LPIN2: variants seen among roughly 807,000 people sequenced by gnomAD.
LPIN2 encodes phosphatidate phosphatase LPIN2.
Under a neutral mutation model 111.4 loss-of-function variants are expected in LPIN2, and 55 were observed. The observed-to-expected ratio is 0.49, with a 90% CI of 0.40 to 0.62. The LOEUF is 0.62. LPIN2 is among the 20% of genes least tolerant of loss of function. LPIN2 has a pLI of 0.00. For missense variants in LPIN2, 992 were observed against 1,112.1 expected (o/e 0.89, Z 1.54); for synonymous variants, 425 against 414.0 (o/e 1.03, Z -0.32).
At chr18:2,946,773 C>G in intron 4 of LPIN2, 3 of 495,574 alleles carry the variant, frequency 6.1e-6, no homozygotes, top group Non-Finnish European at 1.1e-5. Context: ...CTGCTAACCA[C>G]CATAACCAAA....
intron 4 of LPIN2, chr18:2,946,194 T>G (rs780037307): frequency 6.2e-7 from 1 of 1,608,578 alleles, no homozygotes; most frequent in Non-Finnish European, 8.5e-7. Context: ...TCCAAATTTG[T>G]CATTGGTTCA....
At chr18:2,972,124 A>G (rs2077928075) in intron 1 of LPIN2, among the ~76,000 whole-genome samples, 1 of 152,190 alleles carries the variant, frequency 6.6e-6, no homozygotes, top group Admixed American at 6.5e-5. Context: ...CCCAAAAGCA[A>G]TGCCCATGTG....
chr18:2,960,616 A>T, intron 2 of LPIN2, 33 bp downstream of exon 2: 4 of 1,604,018 alleles, frequency 2.5e-6, no homozygotes, highest in Non-Finnish European at 3.4e-6. Flanking sequence ...TTTGAATCTC[A>T]GGATGACTTT....
intron 1 of LPIN2, among the ~76,000 whole-genome samples, chr18:2,992,974 C>CA (rs59159362): frequency 0.014 from 1,336 of 97,288 alleles, 23 homozygotes; most frequent in African/African-American, 0.047. Context: ...AGACCCGTCT[C>CA]AAAAAAAAAA....
At chr18:2,971,818 C>T (rs1050392094) in intron 1 of LPIN2, among the ~76,000 whole-genome samples, 1 of 149,372 alleles carries the variant, frequency 6.7e-6, no homozygotes, top group Non-Finnish European at 1.5e-5. Flanking sequence ...GAGGCCGAGG[C>T]GGGGGGTGGA....
At chr18:2,923,600 C>T (rs995237214) in intron 16 of LPIN2, among the ~76,000 whole-genome samples, 175 bp downstream of exon 16, 5 of 152,114 alleles carry the variant, frequency 3.3e-5, no homozygotes, top group Non-Finnish European at 5.9e-5. Context: ...GGTTCGATGC[C>T]AATGCCAGGT....
At chr18:2,963,376 T>G (rs539032377) in intron 1 of LPIN2, among the ~76,000 whole-genome samples, 1 of 152,056 alleles carries the variant, frequency 6.6e-6, no homozygotes, top group Non-Finnish European at 1.5e-5. Context: ...CCAGCATAGC[T>G]ACACAATAAG....
chr18:2,923,854 C>T lies in LPIN2; in HGVS notation c.2095G>A (p.Ala699Thr). The T allele has an allele frequency of 6.2e-7, 1 of 1,614,082 alleles. No individual in the cohort carries two copies. Among genetic ancestry groups the T allele is most frequent in the East Asian group, 2.2e-5 (1 of 44,882 alleles). ...AGCTGTGGGAGAATCTGTCCCAAAG[C>T]ATCCGACCTAAGAAGACGGTAGAAA... is the stretch of plus-strand genomic sequence containing the variant. ...DIDGTITKSD[A>T]LGQILPQLGK... Residue 699 changes from alanine (A) to threonine (T), a missense_variant, in exon 16 of 20, where the codon GCT (alanine) becomes ACT (threonine). This residue lies in a region of LPIN2 where 709 missense variants were observed against 753.2 expected (regional missense o/e 0.94). Transcript: ENST00000677752.
chr18:2,958,938 AAAT>A (rs1216465508), intron 2 of LPIN2, among the ~76,000 whole-genome samples: 5 of 152,212 alleles, frequency 3.3e-5, no homozygotes, highest in Non-Finnish European at 5.9e-5. Context: ...CAAAAAAAAA[AAAT>A]AATGATGATG....
At chr18:2,920,529 G>T in intron 19 of LPIN2, 92 bp from the exon 20 acceptor site, 2 of 1,402,326 alleles carry the variant, frequency 1.4e-6, no homozygotes, top group South Asian at 1.2e-5. Flanking sequence ...CACTCAGATT[G>T]CTCAGGTGGG....
At chr18:2,960,594 A>T in intron 2 of LPIN2, 55 bp downstream of exon 2, 1 of 1,560,844 alleles carries the variant, frequency 6.4e-7, no homozygotes. Context: ...GAGGACACTC[A>T]CTCACTTTCT....
chr18:2,939,419 G>A (rs1180385635), intron 6 of LPIN2, 61 bp downstream of exon 6: 7 of 1,603,944 alleles, frequency 4.4e-6, no homozygotes, highest in Non-Finnish European at 6.0e-6. Context: ...CTTATGGGCA[G>A]AGGAATTCGT....
intron 1 of LPIN2, among the ~76,000 whole-genome samples, chr18:2,976,396 G>A (rs970730830): frequency 2.0e-5 from 3 of 152,146 alleles, no homozygotes; most frequent in Admixed American, 6.5e-5. Flanking sequence ...TCAGTAACTG[G>A]GGTTGAAGGG....
intron 1 of LPIN2, among the ~76,000 whole-genome samples, chr18:2,984,511 GGAA>G (rs2078158980): frequency 6.6e-6 from 1 of 152,102 alleles, no homozygotes; most frequent in African/African-American, 2.4e-5. Flanking sequence ...GGAGAAAAAT[GGAA>G]GAAGCCAGAG....
chr18:2,982,365 T>G lies in LPIN2; in HGVS notation c.-9-21516A>C, dbSNP rs979849581. On this transcript the variant is annotated intron_variant, in intron 1 of 19. Coordinates refer to ENST00000677752, the MANE Select transcript of LPIN2 (RefSeq NM_001375808.2). Reference sequence around the variant, plus strand: ...CAAATATATTATTTTTGAAACATAATTTTTAAAAATTCTCAGTTTAAAACA... The same window carrying G: ...CAAATATATTATTTTTGAAACATAAGTTTTAAAAATTCTCAGTTTAAAACA... 3.9e-5 allele frequency among the ~76,000 whole-genome samples: 6 copies of G among 152,298 alleles called. No individual in the cohort carries two copies. In the East Asian group the frequency reaches 1.2e-3, roughly 29 times the overall value.
intron 1 of LPIN2, among the ~76,000 whole-genome samples, chr18:2,992,151 C>G (rs533544195): frequency 1.3e-5 from 2 of 152,192 alleles, no homozygotes; most frequent in East Asian, 3.9e-4. Flanking sequence ...TTCACAACAG[C>G]CAAAATGTGG....
At chr18:2,955,639 G>C (rs2077599288) in intron 2 of LPIN2, among the ~76,000 whole-genome samples, 1 of 152,130 alleles carries the variant, frequency 6.6e-6, no homozygotes, top group Non-Finnish European at 1.5e-5. Context: ...GTATGGGCCG[G>C]GTGCAGTGGC....
Position 2,928,640 on chromosome 18 carries a change from G to C in LPIN2, c.1571C>G (p.Ala524Gly). 1 of 1,614,114 alleles carries C rather than the reference G, an allele frequency of 6.2e-7. No individual in the cohort carries two copies. Among genetic ancestry groups the C allele is most frequent in the South Asian group, 1.1e-5 (1 of 91,078 alleles). Reference sequence around the variant, plus strand: ...TTGCAAGCTAAGGATCATGGGAGCTGCCAAAGCCCAGTTATAGTAACTGTG... The same window carrying C: ...TTGCAAGCTAAGGATCATGGGAGCTCCCAAAGCCCAGTTATAGTAACTGTG... ...IYNRYYNWAL[A>G]APMILSLQVF... Residue 524 changes from alanine to glycine, a missense_variant, in exon 11 of 20, where the codon GCA (alanine) becomes GGA (glycine). Physicochemically the swap from Ala to Gly is moderately conservative, Grantham distance 60. Coordinates refer to ENST00000677752, the MANE Select transcript of LPIN2 (RefSeq NM_001375808.2).
chr18:2,966,009 C>T (rs1386274186), intron 1 of LPIN2, among the ~76,000 whole-genome samples: 3 of 152,120 alleles, frequency 2.0e-5, no homozygotes, highest in African/African-American at 7.2e-5. Context: ...GATCTCTGCT[C>T]ACTGTAACCT....
Sources: gnomAD v4.1 joint callset for allele counts (sites outside exome capture counted in the v4.1 genomes callset) on GRCh38, gnomAD v4.1.1 for gene constraint, gnomAD v4.1.1 regional missense constraint, MANE v1.5 for transcripts, NCBI Gene and HGNC (gene_info 2026-07-23, HGNC 2026-07-21) for gene names.